The following MEGF10 variants were observed in gnomAD, a reference collection of about 807,000 sequenced individuals.
MEGF10 encodes multiple EGF like domains 10, also known as multiple epidermal growth factor-like domains protein 10.
MEGF10 carries 86 observed loss-of-function variants against 147.5 expected under a neutral mutation model. The ratio of observed to expected loss-of-function variants is 0.58; its 90% CI spans 0.49 to 0.70. MEGF10 has a LOEUF of 0.70. MEGF10 is among the 30% of genes least tolerant of loss of function. The pLI is 0.00. For synonymous variants in MEGF10, 478 were observed against 525.5 expected (o/e 0.91, Z 1.24); for missense variants, 1,329 against 1,487.3 (o/e 0.89, Z 1.75).
At chr5:127,447,382 T>C (rs1483307977) in intron 20 of MEGF10, among the ~76,000 whole-genome samples, 175 bp from the exon 21 acceptor site, 1 of 152,164 alleles carries the variant, frequency 6.6e-6, no homozygotes, top group Non-Finnish European at 1.5e-5. Context: ...TTTTACTGTG[T>C]TAGCCAGGAT....
chr5:127,325,452 G>A (rs1267318752), intron 1 of MEGF10, among the ~76,000 whole-genome samples: 2 of 152,056 alleles, frequency 1.3e-5, no homozygotes, highest in African/African-American at 4.8e-5. Context: ...TTCCAGAGCT[G>A]ATGATGAGTG....
At chr5:127,281,704 A>G in the MEGF10 span, among the ~76,000 whole-genome samples, 4 of 152,336 alleles carry the variant, frequency 2.6e-5, no homozygotes, top group Non-Finnish European at 4.4e-5. Context: ...CGGGATGGCC[A>G]ACTGTGCCTG....
At chr5:127,337,635 C>T (rs370093901) in intron 2 of MEGF10, among the ~76,000 whole-genome samples, 7 of 152,062 alleles carry the variant, frequency 4.6e-5, no homozygotes, top group African/African-American at 9.7e-5. Flanking sequence ...GTATCCTCAT[C>T]TGAACTTATT....
At chr5:127,279,394 A>T in the MEGF10 span, among the ~76,000 whole-genome samples, 1 of 152,154 alleles carries the variant, frequency 6.6e-6, no homozygotes, top group Non-Finnish European at 1.5e-5. Context: ...CTGAGGTAGG[A>T]TGGAGAACAT....
chr5:127,360,132 T>A (rs1762419554), intron 4 of MEGF10, among the ~76,000 whole-genome samples: 1 of 152,104 alleles, frequency 6.6e-6, no homozygotes, highest in Admixed American at 6.5e-5. Context: ...GTCAAATAGA[T>A]CAAATTGATT....
chr5:127,266,049 T>A, the MEGF10 span, among the ~76,000 whole-genome samples: 1 of 152,096 alleles, frequency 6.6e-6, no homozygotes, highest in Non-Finnish European at 1.5e-5. Flanking sequence ...TTTTTATGGT[T>A]TTAGGTCTAA....
At chr5:127,412,572 T>C (rs1024667050) in intron 9 of MEGF10, among the ~76,000 whole-genome samples, 1 of 152,204 alleles carries the variant, frequency 6.6e-6, no homozygotes, top group Non-Finnish European at 1.5e-5. Context: ...AAATTAATAA[T>C]GTACATTGTC....
the MEGF10 span, among the ~76,000 whole-genome samples, chr5:127,245,443 A>C: frequency 7.2e-5 from 11 of 152,320 alleles, no homozygotes; most frequent in Non-Finnish European, 1.5e-4. Flanking sequence ...CTTACACCTT[A>C]TACAAAAATG....
intron 16 of MEGF10, 53 bp downstream of exon 16, chr5:127,435,542 G>T: frequency 2.0e-6 from 3 of 1,523,818 alleles, no homozygotes; most frequent in Non-Finnish European, 2.7e-6. Flanking sequence ...TTTGTTTTCA[G>T]ATTCTTTAGG....
At chr5:127,247,416 G>T in the MEGF10 span, among the ~76,000 whole-genome samples, 2 of 77,288 alleles carry the variant, frequency 2.6e-5, 1 homozygote. Context: ...AGAAGAAGAA[G>T]AAGAAGAAGA....
intron 13 of MEGF10, among the ~76,000 whole-genome samples, chr5:127,423,252 C>T (rs1485004449): frequency 2.6e-5 from 4 of 152,074 alleles, no homozygotes; most frequent in South Asian, 4.1e-4. Context: ...TCTTTTTTTA[C>T]GATAATGTTC....
chr5:127,322,209 G>T (rs1426297634), intron 1 of MEGF10, among the ~76,000 whole-genome samples: 4 of 151,702 alleles, frequency 2.6e-5, no homozygotes, highest in African/African-American at 7.3e-5. Context: ...ACTGCCTGAA[G>T]TCTCATGAGG....
intron 4 of MEGF10, among the ~76,000 whole-genome samples, chr5:127,352,398 A>G (rs1409659458): frequency 6.6e-6 from 1 of 152,108 alleles, no homozygotes; most frequent in Non-Finnish European, 1.5e-5. Context: ...ATGGTGGCTC[A>G]CTCCTGTAAT....
In MEGF10 at chr5:127,420,181, G is replaced by T. The variant is rs140563851; in HGVS notation, c.1564G>T (p.Gly522Trp). ...GTCTCAPGWRGEKCELPCQDG... is the reference protein window; with the variant it reads ...GTCTCAPGWRWEKCELPCQDG... ...CTGCACGTGTGCACCTGGATGGCGC[G>T]GGGAGAAATGCGAACTTCCCTGCCA... Residue 522 changes from glycine (G) to tryptophan (W), a missense_variant, in exon 12 of 25, where the codon GGG becomes TGG. By Grantham distance (184) the Gly-to-Trp change is radical. Transcript: ENST00000503335. 2 of 1,614,130 alleles carry T rather than the reference G, an allele frequency of 1.2e-6. No individual in the cohort carries two copies. Among genetic ancestry groups the T allele is most frequent in the Non-Finnish European group, 1.7e-6 (2 of 1,180,010 alleles).
chr5:127,391,093 C>CGT (rs1190539286), intron 5 of MEGF10, among the ~76,000 whole-genome samples: 1,064 of 27,634 alleles, frequency 0.039, 30 homozygotes, highest in African/African-American at 0.072. Context: ...CACATGCGCG[C>CGT]GCGCGCGCGC....
intron 4 of MEGF10, among the ~76,000 whole-genome samples, chr5:127,352,161 T>C (rs1210551924): frequency 6.6e-6 from 1 of 152,112 alleles, no homozygotes; most frequent in Admixed American, 6.5e-5. Flanking sequence ...CTTAGCCACA[T>C]CTTAATGCAT....
At chr5:127,286,186 G>A (rs981600935), upstream of MEGF10, among the ~76,000 whole-genome samples, 3 of 151,790 alleles carry the variant, frequency 2.0e-5, no homozygotes, top group East Asian at 5.8e-4. Context: ...CTGAAGAGAG[G>A]TTGGTTAATA....
chr5:127,440,944 TAAGGCAG>T lies in MEGF10; in HGVS notation c.2362+80_2362+86del, dbSNP rs1580874301. The T allele has an allele frequency of 1.9e-6, 3 of 1,550,284 alleles. No individual in the cohort carries two copies. The East Asian group carries it at 6.8e-5, about 35-fold the overall frequency. On this transcript the variant is annotated intron_variant, in intron 18 of 24. Coordinates refer to ENST00000503335, the MANE Select transcript of MEGF10 (RefSeq NM_001256545.2). ...ACATTTCCTAGATGCCAGGAAATAT[TAAGGCAG>T]AATTCACCACTCCGAGGTTGTTTGA... is the stretch of plus-strand genomic sequence containing the variant.
At chr5:127,340,308 A>G (rs1368794159) in intron 3 of MEGF10, among the ~76,000 whole-genome samples, 1 of 152,154 alleles carries the variant, frequency 6.6e-6, no homozygotes, top group Non-Finnish European at 1.5e-5. Flanking sequence ...ACTTTTCAAC[A>G]TATCTTAAGA....
Sources: gnomAD v4.1 joint callset for allele counts (sites outside exome capture counted in the v4.1 genomes callset) on GRCh38, gnomAD v4.1.1 for gene constraint, MANE v1.5 for transcripts, NCBI Gene and HGNC (gene_info 2026-07-23, HGNC 2026-07-21) for gene names.